The following KIAA0319 variants were observed in gnomAD, a reference collection of about 807,000 sequenced individuals.
KIAA0319 encodes the protein KIAA0319, also known as dyslexia-associated protein KIAA0319.
In KIAA0319, 83 loss-of-function variants were observed where a neutral mutation model predicts 108.4. That is an observed-to-expected ratio of 0.77 (90% CI 0.64 to 0.92). The LOEUF (loss-of-function observed/expected upper bound fraction) is 0.92. Among genes scored for constraint, KIAA0319 ranks in the 40% least tolerant of loss-of-function variants. The probability of loss-of-function intolerance (pLI) is 0.00; values close to 1 mark genes in which losing one functional copy is unlikely to be tolerated. For synonymous variants in KIAA0319, 484 were observed against 510.4 expected (o/e 0.95, Z 0.70); for missense variants, 1,195 against 1,322.4 (o/e 0.90, Z 1.49).
At chr6:24,589,402 C>T (rs1303648630) in intron 3 of KIAA0319, among the ~76,000 whole-genome samples, 1 of 152,198 alleles carries the variant, frequency 6.6e-6, no homozygotes, top group Non-Finnish European at 1.5e-5. Context: ...GTTTAAGCCA[C>T]CCAGTTCATG....
chr6:24,571,162 A>G (rs1054939900), intron 11 of KIAA0319, among the ~76,000 whole-genome samples: 1 of 151,974 alleles, frequency 6.6e-6, no homozygotes, highest in Non-Finnish European at 1.5e-5. Flanking sequence ...ACTGCACTCC[A>G]GCCTAGACGA....
intron 1 of KIAA0319, among the ~76,000 whole-genome samples, chr6:24,620,507 G>A (rs951741858): frequency 6.6e-6 from 1 of 152,110 alleles, no homozygotes; most frequent in African/African-American, 2.4e-5. Context: ...CACCATGTTG[G>A]CCAGGCTGGT....
rs1424792746 is a variant in KIAA0319 at position 24,600,710 on chromosome 6, CTG to C, written c.55+337_55+338del. 15 of 1,500,922 alleles carry C rather than the reference CTG, an allele frequency of 1.0e-5. No homozygotes were observed. In the Admixed American group the frequency reaches 2.4e-4, roughly 24 times the overall value. The allele number at this position is 1,500,922 out of a possible 1,614,324, so 93.0% of individuals were successfully genotyped here. A position where few individuals can be genotyped will look rare whatever the true frequency, so the allele number is the denominator to read the frequency against. Reference sequence around the variant, plus strand: ...CATGAGTGCATCCACCATAAGCAAACTGAGTATAATGAAAATAAAGATTTCTG... The same window carrying C: ...CATGAGTGCATCCACCATAAGCAAACAGTATAATGAAAATAAAGATTTCTG... On this transcript the variant is annotated intron_variant, in intron 2 of 20. Coordinates refer to ENST00000378214, the MANE Select transcript of KIAA0319 (RefSeq NM_014809.4).
At chr6:24,609,295 A>G (rs9356937) in intron 1 of KIAA0319, among the ~76,000 whole-genome samples, 17,637 of 149,484 alleles carry the variant, frequency 0.12, 2,220 homozygotes, top group East Asian at 0.45. Context: ...AAAAAGAAAA[A>G]AAAAAAAAGA....
chr6:24,615,302 A>G (rs899493889), intron 1 of KIAA0319, among the ~76,000 whole-genome samples: 1 of 152,206 alleles, frequency 6.6e-6, no homozygotes, highest in Non-Finnish European at 1.5e-5. Flanking sequence ...ATGCAGCTCT[A>G]TATACACATT....
intron 11 of KIAA0319, 34 bp from the exon 12 acceptor site, chr6:24,570,069 T>C (rs376473596): frequency 6.0e-5 from 97 of 1,603,964 alleles, no homozygotes; most frequent in Non-Finnish European, 7.8e-5. Flanking sequence ...AAAAGTATTA[T>C]CTCTTTGCAT....
chr6:24,583,126 T>G lies in KIAA0319; in HGVS notation c.1093+478A>C, dbSNP rs189779400. On this transcript the variant is annotated intron_variant, in intron 5 of 20. Transcript: ENST00000378214. ...AAATGCTTACTGAATGGTAGAGCAC[T>G]GGACAAGTAGAAGAAAGAGCATTTT... 211 of 986,392 alleles carry G rather than the reference T, an allele frequency of 2.1e-4. 2 individuals are homozygous for G. The East Asian group carries it at 0.018, about 83-fold the overall frequency. 61.1% of individuals were successfully genotyped at this position (986,392 alleles called of 1,614,324 possible).
intron 1 of KIAA0319, among the ~76,000 whole-genome samples, chr6:24,605,404 T>A (rs1771262596): frequency 6.6e-6 from 1 of 152,192 alleles, no homozygotes; most frequent in African/African-American, 2.4e-5. Context: ...CCTTACTTAT[T>A]ATTCAGTCTC....
chr6:24,605,456 C>T (rs1194710553), intron 1 of KIAA0319, among the ~76,000 whole-genome samples: 1 of 152,180 alleles, frequency 6.6e-6, no homozygotes, highest in African/African-American at 2.4e-5. Flanking sequence ...CTCTCTCCTG[C>T]TGCTTGCCTT....
At chr6:24,556,584 G>A in intron 18 of KIAA0319, 23 bp downstream of exon 18, 1 of 1,609,550 alleles carries the variant, frequency 6.2e-7, no homozygotes, top group Non-Finnish European at 8.5e-7. Context: ...CTCACCCAAA[G>A]CCTCCTCTAT....
chr6:24,562,789 A>C (rs1252962210), intron 16 of KIAA0319, among the ~76,000 whole-genome samples: 1 of 152,240 alleles, frequency 6.6e-6, no homozygotes, highest in African/African-American at 2.4e-5. Context: ...CAGTAAGCTG[A>C]GACCATGCCA....
intron 1 of KIAA0319, among the ~76,000 whole-genome samples, chr6:24,636,336 G>A (rs755180674): frequency 3.3e-5 from 5 of 152,182 alleles, no homozygotes; most frequent in African/African-American, 1.2e-4. Context: ...GACCACTTTG[G>A]AACGGGATAT....
intron 1 of KIAA0319, among the ~76,000 whole-genome samples, chr6:24,643,968 T>C (rs1409140214): frequency 6.6e-6 from 1 of 152,272 alleles, no homozygotes; most frequent in Non-Finnish European, 1.5e-5. Flanking sequence ...CCTGGCAATC[T>C]GCAGCACTCC....
rs746122024 is a variant in KIAA0319 at position 24,596,053 on chromosome 6, C to T, written c.621G>A (p.Ala207=). Residue 207 remains alanine, a synonymous_variant, in exon 3 of 21, where the codon GCG becomes GCA. Transcript: ENST00000378214. Reference sequence around the variant, plus strand: ...GGAGCTCAGGGTCCTGCTGCGTCTCCGCTGGCACCGCAGGACTGTCTCCAA... The same window carrying T: ...GGAGCTCAGGGTCCTGCTGCGTCTCTGCTGGCACCGCAGGACTGTCTCCAA... ...SSVGDSPAVP[A]ETQQDPELHY... 22 of 1,613,902 alleles carry T rather than the reference C, an allele frequency of 1.4e-5. No individual in the cohort carries two copies. The highest frequency in any genetic ancestry group is 8.0e-5 in the African/African-American group (6 of 74,916).
chr6:24,609,726 C>G (rs1389499854), intron 1 of KIAA0319, among the ~76,000 whole-genome samples: 1 of 151,188 alleles, frequency 6.6e-6, no homozygotes, highest in Non-Finnish European at 1.5e-5. Context: ...TTAGCTTTTA[C>G]TTTTACAAGT....
In KIAA0319 at chr6:24,599,717, C is replaced by T; in HGVS notation, c.55+1332G>A. The T allele has an allele frequency of 1.7e-6, 1 of 581,830 alleles. No individual in the cohort carries two copies. Among genetic ancestry groups the T allele is most frequent in the South Asian group, 1.7e-5 (1 of 59,114 alleles). 36.0% of individuals were successfully genotyped at this position (581,830 alleles called of 1,614,324 possible). On this transcript the variant is annotated intron_variant, in intron 2 of 20. Coordinates refer to ENST00000378214, the MANE Select transcript of KIAA0319 (RefSeq NM_014809.4). The surrounding 1 kb of genome is among the most constrained non-coding windows in gnomAD (Gnocchi z 4.1). Reference sequence around the variant, plus strand: ...TCAGCAGCACCAACTCCTTCAGGGCCATGGTTGTGAAGAAGATCGAGATTT... The same window carrying T: ...TCAGCAGCACCAACTCCTTCAGGGCTATGGTTGTGAAGAAGATCGAGATTT...
chr6:24,589,720 A>T (rs1014645289), intron 3 of KIAA0319, among the ~76,000 whole-genome samples: 1 of 152,236 alleles, frequency 6.6e-6, no homozygotes, highest in African/African-American at 2.4e-5. Flanking sequence ...TCTTTATAGC[A>T]ATGTAAGAAT....
intron 3 of KIAA0319, among the ~76,000 whole-genome samples, chr6:24,592,794 A>C (rs992705624): frequency 6.6e-6 from 1 of 152,090 alleles, no homozygotes; most frequent in Non-Finnish European, 1.5e-5. Context: ...AACATAGCGA[A>C]ATCCCATCTC....
chr6:24,618,022 A>T (rs184886850), intron 1 of KIAA0319, among the ~76,000 whole-genome samples: 1 of 152,094 alleles, frequency 6.6e-6, no homozygotes, highest in Non-Finnish European at 1.5e-5. Context: ...AAAAATAAAT[A>T]TAAGAAATAG....
Sources: allele counts gnomAD v4.1 joint callset (sites outside exome capture counted in the v4.1 genomes callset), GRCh38; gene constraint gnomAD v4.1.1; non-coding constraint Gnocchi (gnomAD v3.1); transcripts MANE v1.5; gene names NCBI Gene and HGNC (gene_info 2026-07-23, HGNC 2026-07-21).